Variants in ZNF83 observed in about 807,000 individuals in gnomAD.
The protein encoded by ZNF83 is zinc finger protein 83.
For missense variants in ZNF83, 552 were observed against 629.9 expected, an observed-to-expected ratio of 0.88 and a Z score of 1.32; for synonymous variants, 209 against 213.0, an observed-to-expected ratio of 0.98 and a Z score of 0.17.
chr19:52,651,680 T>A (rs1224651346), intron 3 of ZNF83: 2 of 67,556 alleles, frequency 3.0e-5, no homozygotes, highest in African/African-American at 1.6e-4. Context: ...AAAGACTCTG[T>A]CTCAAAAAAA....
At chr19:52,664,181 C>A (rs915323197) in intron 1 of ZNF83, among the ~76,000 whole-genome samples, 1 of 101,014 alleles carries the variant, frequency 9.9e-6, no homozygotes, top group African/African-American at 3.7e-5. Flanking sequence ...CTGCACCAGG[C>A]CTATTTTTTT....
chr19:52,665,343 A>G (rs1939412947), intron 1 of ZNF83, among the ~76,000 whole-genome samples: 1 of 152,034 alleles, frequency 6.6e-6, no homozygotes, highest in African/African-American at 2.4e-5. Context: ...TGAGCTGGGA[A>G]GTCCAGGCCA....
chr19:52,622,601 C>T (rs2147107160), intron 2 of ZNF83, among the ~76,000 whole-genome samples: 1 of 152,066 alleles, frequency 6.6e-6, no homozygotes, highest in East Asian at 1.9e-4. Flanking sequence ...AAAAAGGCAG[C>T]TTACAAAGCT....
At chr19:52,639,549 T>C (rs1374060248), upstream of ZNF83, among the ~76,000 whole-genome samples, 2 of 150,510 alleles carry the variant, frequency 1.3e-5, no homozygotes, top group African/African-American at 2.4e-5. Flanking sequence ...TCCGGAGTAG[T>C]TGACATTACA....
intron 2 of ZNF83, among the ~76,000 whole-genome samples, chr19:52,630,802 A>G (rs1172155015): frequency 2.0e-5 from 3 of 152,082 alleles, no homozygotes; most frequent in Non-Finnish European, 4.4e-5. Context: ...AAAGCCTGTT[A>G]TCACTCGCCT....
intron 1 of ZNF83, among the ~76,000 whole-genome samples, chr19:52,681,296 A>AAAAAAAAAAAAAAAAAAAAAAAAAAAC: frequency 6.7e-6 from 1 of 150,124 alleles, no homozygotes; most frequent in African/African-American, 2.5e-5. Context: ...AAAAAAAAAA[A>AAAAAAAAAAAAAAAAAAAAAAAAAAAC]AAAAAGCAAA....
chr19:52,616,434 T>C (rs145613168), intron 2 of ZNF83, among the ~76,000 whole-genome samples: 93 of 152,322 alleles, frequency 6.1e-4, no homozygotes, highest in African/African-American at 2.1e-3. Flanking sequence ...TGTATGTTTC[T>C]TGCAGCAATA....
chr19:52,635,170 T>G lies in ZNF83; in HGVS notation c.-321-17A>C. ...AAGTCAATCCTGAATGTTAAAAATA[T>G]GTTGTTTATTGCTCAGAATCAATAC... On this transcript the variant is annotated splice_polypyrimidine_tract_variant and intron_variant, in intron 1 of 2. Coordinates refer to ENST00000301096, the Ensembl canonical transcript of ZNF83. The G allele has an allele frequency of 1.6e-6, 1 of 615,872 alleles. No individual in the cohort carries two copies. The highest frequency in any genetic ancestry group is 2.9e-6 in the Non-Finnish European group (1 of 344,016). 38.2% of individuals were successfully genotyped at this position (615,872 alleles called of 1,614,324 possible).
upstream of ZNF83, among the ~76,000 whole-genome samples, chr19:52,642,487 C>T (rs146367297): frequency 3.7e-3 from 565 of 151,840 alleles, 3 homozygotes; most frequent in Middle Eastern, 0.031. Context: ...AGGCTGGTCT[C>T]GAACTCCCGA....
At chr19:52,654,004 G>T in intron 3 of ZNF83, 2 of 1,522,822 alleles carry the variant, frequency 1.3e-6, no homozygotes, top group Admixed American at 1.7e-5. Context: ...GAGCCTACAA[G>T]AAATTCTTTG....
Position 52,687,552 on chromosome 19 carries a change from G to A in ZNF83, c.-283+2891C>T, listed in dbSNP as rs1406358840. ...TATAAATTATATATATAAATTATAT[G>A]TGTAAATTTTATATATATATAAATT... On this transcript the variant is annotated intron_variant, in intron 1 of 5. Coordinates refer to the ZNF83 transcript ENST00000594682. 6.1e-3 allele frequency among the ~76,000 whole-genome samples: 128 copies of A among 20,848 alleles called. 25 individuals are homozygous for A. The highest frequency in any genetic ancestry group is 0.017 in the African/African-American group (75 of 4,334). The allele number at this position is 20,848 out of a possible 152,430, so 13.7% of individuals were successfully genotyped here.
chr19:52,637,536 C>G (rs1226637284), intron 1 of ZNF83, among the ~76,000 whole-genome samples: 2 of 150,834 alleles, frequency 1.3e-5, no homozygotes, highest in South Asian at 4.2e-4. Flanking sequence ...CTTTTTTTTT[C>G]TTTTCACTTT....
intron 2 of ZNF83, among the ~76,000 whole-genome samples, chr19:52,630,557 C>A (rs962075625): frequency 1.3e-5 from 2 of 152,108 alleles, no homozygotes; most frequent in Non-Finnish European, 2.9e-5. Flanking sequence ...ACCAAATTAT[C>A]TGCTTCCCTG....
At chr19:52,613,866 G>A (rs566776221) in exon 3 of ZNF83, 53 of 1,614,032 alleles carry the variant, frequency 3.3e-5, no homozygotes, top group African/African-American at 6.7e-5. Flanking sequence ...TGTTACATTC[G>A]TAAGGTTTTT....
chr19:52,640,419 G>T (rs1054725614), upstream of ZNF83, among the ~76,000 whole-genome samples: 8 of 152,162 alleles, frequency 5.3e-5, no homozygotes, highest in African/African-American at 1.9e-4. Context: ...ATTGGTTATG[G>T]ATTGATACAA....
At chr19:52,668,793 C>T (rs1412972267) in intron 1 of ZNF83, among the ~76,000 whole-genome samples, 2 of 152,238 alleles carry the variant, frequency 1.3e-5, no homozygotes, top group Non-Finnish European at 1.5e-5. Context: ...TGTCCCCTTT[C>T]CACGAGGGCT....
At chr19:52,612,701 C>A in exon 3 of ZNF83, 1 of 317,102 alleles carries the variant, frequency 3.2e-6, no homozygotes, top group Non-Finnish European at 5.8e-6. Context: ...TTTTGTTTCT[C>A]TCAAGCATGA....
chr19:52,625,362 C>G (rs1401112533), intron 2 of ZNF83, among the ~76,000 whole-genome samples: 1 of 152,120 alleles, frequency 6.6e-6, no homozygotes, highest in Admixed American at 6.6e-5. Context: ...TCATTAATGC[C>G]TCCTTAATAA....
At chr19:52,613,338 G>T (rs549250925) in exon 3 of ZNF83, 2 of 1,614,012 alleles carry the variant, frequency 1.2e-6, no homozygotes, top group South Asian at 1.1e-5. Flanking sequence ...TTTGACTGAA[G>T]ACTTTGCCAC....
Sources: gnomAD v4.1 joint callset for allele counts (sites outside exome capture counted in the v4.1 genomes callset) on GRCh38, gnomAD v4.1.1 for gene constraint, MANE v1.5 for transcripts, NCBI Gene and HGNC (gene_info 2026-07-23, HGNC 2026-07-21) for gene names.